Variants in ZC3H6 observed in about 807,000 individuals in gnomAD.
ZC3H6 encodes the protein zinc finger CCCH domain-containing protein 6.
In ZC3H6, 40 loss-of-function variants were observed where a neutral mutation model predicts 107.7. The observed-to-expected ratio is 0.37, with a 90% CI of 0.29 to 0.48. ZC3H6 has a LOEUF of 0.48. Ranked by LOEUF, ZC3H6 falls within the 20% of genes least tolerant of loss-of-function variation. The probability of loss-of-function intolerance (pLI) is 0.98; values close to 1 mark genes in which losing one functional copy is unlikely to be tolerated. For synonymous variants in ZC3H6, 493 were observed against 487.9 expected (o/e 1.01, Z -0.14); for missense variants, 1,267 against 1,410.4 (o/e 0.90, Z 1.63).
At chr2:112,281,235 A>G (rs764785281) in intron 1 of ZC3H6, among the ~76,000 whole-genome samples, 28 of 152,174 alleles carry the variant, frequency 1.8e-4, no homozygotes, top group Non-Finnish European at 3.1e-4. Flanking sequence ...CCCTGATACA[A>G]GACAACAATT....
intron 2 of ZC3H6, among the ~76,000 whole-genome samples, chr2:112,302,095 A>T (rs573911886): frequency 6.6e-6 from 1 of 152,022 alleles, no homozygotes; most frequent in Non-Finnish European, 1.5e-5. Flanking sequence ...ACAAGGACCA[A>T]ATCTTTTCAG....
chr2:112,320,561 T>G (rs1325999310), intron 7 of ZC3H6, among the ~76,000 whole-genome samples: 1 of 152,182 alleles, frequency 6.6e-6, no homozygotes, highest in Non-Finnish European at 1.5e-5. Flanking sequence ...TAGTCTCAGG[T>G]CAGAAGTGAT....
Position 112,332,563 on chromosome 2 carries a change from T to C in ZC3H6, c.*75T>C. 1 of 1,399,142 alleles carries C rather than the reference T, an allele frequency of 7.1e-7. No homozygotes were observed. The highest frequency in any genetic ancestry group is 9.6e-7 in the Non-Finnish European group (1 of 1,039,920). The allele number at this position is 1,399,142 out of a possible 1,614,324, so 86.7% of individuals were successfully genotyped here. ...TCTGCTGTTTTGTAACTGGTTTACC[T>C]CTATAGTTTATTTATTTTTAAATTA... is the stretch of plus-strand genomic sequence containing the variant. On this transcript the variant is annotated 3_prime_UTR_variant, in exon 12 of 12. Transcript: ENST00000409871.
intron 1 of ZC3H6, among the ~76,000 whole-genome samples, chr2:112,296,028 G>T (rs1676225209): frequency 6.6e-6 from 1 of 151,942 alleles, no homozygotes; most frequent in Non-Finnish European, 1.5e-5. Context: ...TTTGTCATTT[G>T]TGTTTTAAAT....
At chr2:112,327,884 T>C (rs1676942158) in intron 11 of ZC3H6, among the ~76,000 whole-genome samples, 1 of 151,914 alleles carries the variant, frequency 6.6e-6, no homozygotes, top group Non-Finnish European at 1.5e-5. Context: ...TGTTTTTTGT[T>C]AGTTCATTTT....
chr2:112,319,298 GAGACC>G (rs1676758309), intron 7 of ZC3H6, among the ~76,000 whole-genome samples: 1 of 151,996 alleles, frequency 6.6e-6, no homozygotes, highest in Non-Finnish European at 1.5e-5. Context: ...CCAGGAGTTG[GAGACC>G]AGCCTGGGTA....
intron 9 of ZC3H6, among the ~76,000 whole-genome samples, chr2:112,323,521 A>G (rs1227416627): frequency 6.6e-6 from 1 of 152,236 alleles, no homozygotes; most frequent in Non-Finnish European, 1.5e-5. Flanking sequence ...AAGTATGTCC[A>G]CTATTTTGGT....
intron 7 of ZC3H6, among the ~76,000 whole-genome samples, chr2:112,320,124 T>G (rs6726412): frequency 0.65 from 99,482 of 151,974 alleles, 34,590 homozygotes; most frequent in African/African-American, 0.91. Flanking sequence ...GTAGAGATGT[T>G]GTTTCTCCAT....
At position 112,324,374 on chromosome 2, in the gene ZC3H6, T is replaced by C; in HGVS notation, c.1563T>C (p.Gly521=). ...PVPQSPPLPP[G]PPEIVGPQNQ... is the part of the protein sequence containing the mutation. ...CACAGAGCCCACCTTTACCACCTGG[T>C]CCACCTGAAATTGTAGGTCCTCAAA... is the stretch of plus-strand genomic sequence containing the variant. The change falls in exon 10 of 12, where the codon GGT becomes GGC. Residue 521 remains glycine, a synonymous_variant. Coordinates refer to ENST00000409871, the MANE Select transcript of ZC3H6 (RefSeq NM_198581.3). The C allele has an allele frequency of 6.2e-7, 1 of 1,613,976 alleles. No individual in the cohort carries two copies. Among genetic ancestry groups the C allele is most frequent in the Non-Finnish European group, 8.5e-7 (1 of 1,179,866 alleles).
chr2:112,311,623 C>T (rs1415248649), intron 4 of ZC3H6, among the ~76,000 whole-genome samples, 181 bp from the exon 5 acceptor site: 1 of 152,034 alleles, frequency 6.6e-6, no homozygotes, highest in Non-Finnish European at 1.5e-5. Context: ...GTTAACATCC[C>T]TTAAGAAGCA....
At chr2:112,298,160 A>AATT (rs1553492849) in intron 1 of ZC3H6, among the ~76,000 whole-genome samples, 22 of 151,684 alleles carry the variant, frequency 1.5e-4, no homozygotes, top group African/African-American at 2.9e-4. Flanking sequence ...TTTTTAAAAA[A>AATT]TTTATTTTTT....
intron 5 of ZC3H6, among the ~76,000 whole-genome samples, chr2:112,313,683 G>C (rs1676634758): frequency 1.3e-5 from 2 of 152,118 alleles, no homozygotes; most frequent in African/African-American, 4.8e-5. Context: ...TATGATTCCA[G>C]AAACAACTGG....
At chr2:112,304,473 C>T (rs1363687677) in intron 3 of ZC3H6, among the ~76,000 whole-genome samples, 5 of 152,142 alleles carry the variant, frequency 3.3e-5, no homozygotes, top group Admixed American at 6.5e-5. Context: ...CTTGGTTTGT[C>T]ACTGGCCTCC....
At chr2:112,311,179 A>G (rs1337086998) in intron 4 of ZC3H6, among the ~76,000 whole-genome samples, 3 of 152,218 alleles carry the variant, frequency 2.0e-5, no homozygotes, top group African/African-American at 7.2e-5. Context: ...CTTAAGTCCC[A>G]GCTACTCAGG....
At chr2:112,314,341 G>A (rs1676651525) in intron 5 of ZC3H6, among the ~76,000 whole-genome samples, 1 of 152,010 alleles carries the variant, frequency 6.6e-6, no homozygotes, top group Non-Finnish European at 1.5e-5. Context: ...TGTTAAAGTT[G>A]CTTTAGATTT....
intron 5 of ZC3H6, among the ~76,000 whole-genome samples, chr2:112,312,688 C>A (rs1676615218): frequency 6.6e-6 from 1 of 151,992 alleles, no homozygotes; most frequent in African/African-American, 2.4e-5. Flanking sequence ...TGGAGAAACC[C>A]CATCTCTACA....
intron 10 of ZC3H6, 91 bp from the exon 11 acceptor site, chr2:112,324,873 C>A: frequency 8.5e-7 from 1 of 1,176,278 alleles, no homozygotes; most frequent in Non-Finnish European, 1.2e-6. Flanking sequence ...TTTGATAATC[C>A]AGTGTGCCTG....
At chr2:112,295,700 T>A (rs988190484) in intron 1 of ZC3H6, among the ~76,000 whole-genome samples, 8 of 152,296 alleles carry the variant, frequency 5.3e-5, no homozygotes, top group Admixed American at 4.6e-4. Context: ...TACAAAAATA[T>A]ACAAGTTTAA....
chr2:112,305,635 A>G (rs548112358), intron 3 of ZC3H6, among the ~76,000 whole-genome samples: 1 of 152,210 alleles, frequency 6.6e-6, no homozygotes, highest in South Asian at 2.1e-4. Context: ...TGTAGATCTG[A>G]GTTTTAATAT....
Sources: gnomAD v4.1 joint callset for allele counts (sites outside exome capture counted in the v4.1 genomes callset) on GRCh38, gnomAD v4.1.1 for gene constraint, MANE v1.5 for transcripts, NCBI Gene and HGNC (gene_info 2026-07-23, HGNC 2026-07-21) for gene names.